CSMD1: variants seen among roughly 807,000 people sequenced by gnomAD.
CSMD1 encodes the protein CUB and Sushi multiple domains 1.
In CSMD1, 213 loss-of-function variants were observed where a neutral mutation model predicts 417.5. That is an observed-to-expected ratio of 0.51 (90% confidence interval 0.46 to 0.57). CSMD1 has a LOEUF of 0.57. Among genes scored for constraint, CSMD1 ranks in the 20% least tolerant of loss-of-function variants. The pLI, the probability that CSMD1 is intolerant of heterozygous loss-of-function variation, is 0.00. For missense variants in CSMD1, 6,923 were observed against 4,529.7 expected, an observed-to-expected ratio of 1.53 and a Z score of -15.17; for synonymous variants, 2,862 against 1,736.8, an observed-to-expected ratio of 1.65 and a Z score of -16.11.
intron 17 of CSMD1, among the ~76,000 whole-genome samples, chr8:3,388,391 TAAGGAA>T (rs368144875): frequency 0.02 from 3,094 of 152,260 alleles, 55 homozygotes; most frequent in South Asian, 0.043. Context: ...TTTTAAGAGC[TAAGGAA>T]AATGAGAATA....
chr8:4,210,274 G>C (rs1403272932), intron 3 of CSMD1, among the ~76,000 whole-genome samples: 1 of 152,196 alleles, frequency 6.6e-6, no homozygotes, highest in African/African-American at 2.4e-5. Context: ...TTGTTTCTTT[G>C]ATGCTTTCAT....
At chr8:3,933,361 C>G (rs1159386958) in intron 5 of CSMD1, among the ~76,000 whole-genome samples, 1 of 152,174 alleles carries the variant, frequency 6.6e-6, no homozygotes, top group Non-Finnish European at 1.5e-5. Context: ...TTTTTGGCGA[C>G]ATTTCAGTTT....
intron 45 of CSMD1, 43 bp downstream of exon 45, chr8:3,107,675 A>G (rs752417926): frequency 4.0e-5 from 45 of 1,139,228 alleles, no homozygotes; most frequent in Non-Finnish European, 4.6e-5. Flanking sequence ...GTGTAAAAAA[A>G]TGTCGTGCTG....
At chr8:4,502,095 C>G (rs1412760489) in intron 2 of CSMD1, among the ~76,000 whole-genome samples, 1 of 152,056 alleles carries the variant, frequency 6.6e-6, no homozygotes, top group Non-Finnish European at 1.5e-5. Context: ...ACCTACAAAC[C>G]TACAAGCCTA....
chr8:3,789,404 GTAAGTTTTTT>G (rs1799610298), intron 5 of CSMD1, among the ~76,000 whole-genome samples: 1 of 15,784 alleles, frequency 6.3e-5, no homozygotes, highest in African/African-American at 1.3e-4. Context: ...TTTTTTTTAA[GTAAGTTTTTT>G]TTTTTTAAGT....
intron 1 of CSMD1, among the ~76,000 whole-genome samples, chr8:4,700,746 A>G (rs1405230839): frequency 2.0e-5 from 3 of 152,160 alleles, no homozygotes; most frequent in Non-Finnish European, 4.4e-5. Flanking sequence ...ATTTTATTAT[A>G]TGCAACTTAC....
chr8:3,034,543 C>T (rs1336252380), intron 50 of CSMD1, among the ~76,000 whole-genome samples: 1 of 152,028 alleles, frequency 6.6e-6, no homozygotes, highest in Non-Finnish European at 1.5e-5. Flanking sequence ...CACATAAAAA[C>T]ACATAAATAT....
chr8:3,018,411 C>T (rs1809047572), intron 52 of CSMD1, 66 bp downstream of exon 52: 1 of 1,468,312 alleles, frequency 6.8e-7, no homozygotes. Flanking sequence ...ATATGTGTTA[C>T]ACAGCTGTAA....
intron 3 of CSMD1, among the ~76,000 whole-genome samples, chr8:4,130,200 C>T (rs900746608): frequency 2.0e-5 from 3 of 152,084 alleles, no homozygotes; most frequent in East Asian, 1.9e-4. Context: ...TCTTGAGTGG[C>T]TCAGGGTCCC....
intron 5 of CSMD1, among the ~76,000 whole-genome samples, chr8:3,927,129 T>G (rs941610335): frequency 6.6e-6 from 1 of 151,992 alleles, no homozygotes; most frequent in African/African-American, 2.4e-5. Flanking sequence ...ATAATATAAA[T>G]TATTATAAAT....
At chr8:4,631,191 T>A (rs543293693) in intron 2 of CSMD1, among the ~76,000 whole-genome samples, 1 of 152,030 alleles carries the variant, frequency 6.6e-6, no homozygotes, top group South Asian at 2.1e-4. Flanking sequence ...TGAAACCCTG[T>A]CTCTATTAAA....
intron 5 of CSMD1, among the ~76,000 whole-genome samples, chr8:3,821,342 A>G (rs1190580361): frequency 6.6e-6 from 1 of 152,228 alleles, no homozygotes; most frequent in African/African-American, 2.4e-5. Flanking sequence ...ACATAAGTAG[A>G]TGCATGAGAC....
chr8:4,830,652 T>C (rs1354329998), intron 1 of CSMD1, among the ~76,000 whole-genome samples: 1 of 152,138 alleles, frequency 6.6e-6, no homozygotes, highest in African/African-American at 2.4e-5. Context: ...TGCTAAGAGG[T>C]CACAGAAAAA....
intron 3 of CSMD1, among the ~76,000 whole-genome samples, chr8:4,419,491 A>T (rs1797128739): frequency 6.6e-6 from 1 of 152,184 alleles, no homozygotes; most frequent in African/African-American, 2.4e-5. Context: ...TTGCATGATC[A>T]AACAACAGTA....
At chr8:4,106,268 T>C (rs928346635) in intron 3 of CSMD1, among the ~76,000 whole-genome samples, 1 of 152,232 alleles carries the variant, frequency 6.6e-6, no homozygotes, top group African/African-American at 2.4e-5. Context: ...CAAGTATTAA[T>C]GTATGTGTTT....
chr8:3,688,670 C>T (rs1327902075), intron 7 of CSMD1, among the ~76,000 whole-genome samples: 1 of 152,136 alleles, frequency 6.6e-6, no homozygotes, highest in Non-Finnish European at 1.5e-5. Context: ...AATTTCGTGG[C>T]AGTTCTGCAA....
At chr8:3,104,879 G>A (rs1356442686) in intron 46 of CSMD1, among the ~76,000 whole-genome samples, 1 of 151,904 alleles carries the variant, frequency 6.6e-6, no homozygotes, top group Non-Finnish European at 1.5e-5. Flanking sequence ...AGTTAATTTT[G>A]TATTTTCAGT....
intron 18 of CSMD1, among the ~76,000 whole-genome samples, chr8:3,374,623 G>A (rs1006510003): frequency 1.3e-5 from 2 of 152,180 alleles, no homozygotes; most frequent in Admixed American, 1.3e-4. Context: ...CCACTCCCAG[G>A]ATGGTGAGTA....
intron 10 of CSMD1, among the ~76,000 whole-genome samples, chr8:3,551,227 G>A (rs1798896487): frequency 6.6e-6 from 1 of 152,146 alleles, no homozygotes; most frequent in Non-Finnish European, 1.5e-5. Context: ...AGTTTCTAAA[G>A]CATGTAAATT....
Sources: allele counts gnomAD v4.1 joint callset (sites outside exome capture counted in the v4.1 genomes callset), GRCh38; gene constraint gnomAD v4.1.1; transcripts MANE v1.5; gene names NCBI Gene and HGNC (gene_info 2026-07-23, HGNC 2026-07-21).